The following ADAMTS16 variants were observed in gnomAD, a reference collection of about 807,000 sequenced individuals.
ADAMTS16 encodes the protein A disintegrin and metalloproteinase with thrombospondin motifs 16.
In ADAMTS16, 94 loss-of-function variants were observed where a neutral mutation model predicts 145.8. That is an observed-to-expected ratio of 0.64 (90% CI 0.55 to 0.77). ADAMTS16 has a LOEUF of 0.77. ADAMTS16 is among the 30% of genes least tolerant of loss of function. The pLI is 0.00. For synonymous variants in ADAMTS16, 659 were observed against 604.3 expected, an observed-to-expected ratio of 1.09 and a Z score of -1.33; for missense variants, 1,585 against 1,591.5, an observed-to-expected ratio of 1.00 and a Z score of 0.07.
intron 18 of ADAMTS16, among the ~76,000 whole-genome samples, chr5:5,300,939 T>C (rs1312404627): frequency 6.6e-6 from 1 of 152,228 alleles, no homozygotes; most frequent in Non-Finnish European, 1.5e-5. Context: ...TGATTGTATT[T>C]TCTTACTTAG....
chr5:5,227,289 G>C (rs751530789), intron 11 of ADAMTS16, among the ~76,000 whole-genome samples: 3 of 152,236 alleles, frequency 2.0e-5, no homozygotes, highest in Non-Finnish European at 2.9e-5. Context: ...AATCGCCACA[G>C]GCGTAGGGAC....
At chr5:5,256,204 T>C (rs1003621981) in intron 17 of ADAMTS16, among the ~76,000 whole-genome samples, 2 of 152,236 alleles carry the variant, frequency 1.3e-5, no homozygotes, top group Non-Finnish European at 2.9e-5. Flanking sequence ...TGGAAACCCA[T>C]GGCAGTATTT....
Position 5,186,105 on chromosome 5 carries a change from T to G in ADAMTS16, c.817T>G (p.Ser273Ala), listed in dbSNP as rs1433355598. The change falls in exon 5 of 23, where the codon TCT (serine) becomes GCT (alanine). Residue 273 changes from serine (S) to alanine (A), a missense_variant. Transcript: ENST00000274181. The stretch of plus-strand genomic sequence containing the variant: ...CTTCATCTTGCCAGATGAGTATAAG[T>G]CTTGCTTACGGCATAAGCGCTCTCT... ...DLFILPDEYK[S>A]CLRHKRSLLR... is the part of the protein sequence containing the mutation. The G allele has an allele frequency of 2.5e-6, 4 of 1,613,910 alleles. No individual in the cohort carries two copies. Among genetic ancestry groups the G allele is most frequent in the Non-Finnish European group, 3.4e-6 (4 of 1,180,010 alleles).
In ADAMTS16 at chr5:5,235,072, A is replaced by C; in HGVS notation, c.1909A>C (p.Ser637Arg). ...GSTRTLKLCN[S>R]QKCPRDSVDF... ...CACTCGCACTCTGAAGCTCTGCAAC[A>C]GTCAGAAATGTCCCCGGGACAGTGT... The change falls in exon 13 of 23, where the codon AGT becomes CGT. Residue 637 changes from serine (S) to arginine (R), a missense_variant. By Grantham distance (110) the Ser-to-Arg change is moderately radical. Coordinates refer to ENST00000274181, the MANE Select transcript of ADAMTS16 (RefSeq NM_139056.4). 6.2e-7 allele frequency: 1 copy of C among 1,605,284 alleles called. No individual in the cohort carries two copies. The highest frequency in any genetic ancestry group is 8.5e-7 in the Non-Finnish European group (1 of 1,172,896).
chr5:5,179,999 G>A (rs970448065), intron 3 of ADAMTS16, among the ~76,000 whole-genome samples: 4 of 152,134 alleles, frequency 2.6e-5, no homozygotes, highest in African/African-American at 9.7e-5. Flanking sequence ...TCAAGGTCTA[G>A]GAAATGCTCC....
intron 1 of ADAMTS16, 36 bp downstream of exon 1, chr5:5,140,575 C>A: frequency 1.3e-6 from 2 of 1,499,932 alleles, no homozygotes; most frequent in Non-Finnish European, 1.8e-6. Context: ...GCGGAAACCG[C>A]GGGTCCGGAC....
intron 8 of ADAMTS16, among the ~76,000 whole-genome samples, chr5:5,192,371 A>C (rs1735685543): frequency 6.6e-6 from 1 of 152,162 alleles, no homozygotes; most frequent in African/African-American, 2.4e-5. Context: ...GTTAGCTGCT[A>C]ACAGGGGACT....
chr5:5,191,035 CT>C (rs1735650213), intron 7 of ADAMTS16, among the ~76,000 whole-genome samples: 1 of 152,198 alleles, frequency 6.6e-6, no homozygotes, highest in African/African-American at 2.4e-5. Flanking sequence ...ATGAGTGTCC[CT>C]GGTGGACAAC....
At chr5:5,250,902 C>T (rs1276989686) in intron 17 of ADAMTS16, among the ~76,000 whole-genome samples, 2 of 152,132 alleles carry the variant, frequency 1.3e-5, no homozygotes, top group Admixed American at 1.3e-4. Context: ...TCCCTCCATT[C>T]GTCCCTTTAG....
At chr5:5,187,475 G>A (rs573823390) in intron 5 of ADAMTS16, among the ~76,000 whole-genome samples, 1 of 152,170 alleles carries the variant, frequency 6.6e-6, no homozygotes, top group Non-Finnish European at 1.5e-5. Flanking sequence ...TATATTCTAA[G>A]GGGAACCCTT....
At chr5:5,256,998 T>A (rs191850340) in intron 17 of ADAMTS16, among the ~76,000 whole-genome samples, 1 of 152,320 alleles carries the variant, frequency 6.6e-6, no homozygotes, top group East Asian at 1.9e-4. Flanking sequence ...TAAATCGGGT[T>A]ATCATAACTA....
chr5:5,221,164 C>T (rs949734631), intron 10 of ADAMTS16, among the ~76,000 whole-genome samples: 3 of 151,964 alleles, frequency 2.0e-5, no homozygotes, highest in Non-Finnish European at 2.9e-5. Flanking sequence ...AGTTGTCATT[C>T]CTGCAAGCAA....
chr5:5,140,707 G>A lies in ADAMTS16; in HGVS notation c.116G>A (p.Ser39Asn), dbSNP rs759476476. 6.4e-7 allele frequency: 1 copy of A among 1,568,578 alleles called. No homozygotes were observed. Among genetic ancestry groups the A allele is most frequent in the Admixed American group, 1.9e-5 (1 of 53,770 alleles). The change falls in exon 2 of 23, where the codon AGC becomes AAC. Residue 39 changes from serine (S) to asparagine (N), a missense_variant. Ser to Asn is a conservative substitution (Grantham distance 46). Coordinates refer to ENST00000274181, the MANE Select transcript of ADAMTS16 (RefSeq NM_139056.4). ...AMGPAAAAPGSPSVPRPPPPA... is the reference protein window; with the variant it reads ...AMGPAAAAPGNPSVPRPPPPA... ...GGACCCGCAGCGGCAGCGCCTGGGA[G>A]CCCGAGCGTCCCGCGTCCTCCTCCA...
At chr5:5,239,485 C>T (rs893080220) in intron 15 of ADAMTS16, among the ~76,000 whole-genome samples, 196 bp from the exon 16 acceptor site, 2 of 152,168 alleles carry the variant, frequency 1.3e-5, no homozygotes, top group Non-Finnish European at 2.9e-5. Flanking sequence ...GGAAAAGTGA[C>T]CATCACAGGG....
chr5:5,232,555 T>G, intron 12 of ADAMTS16, 39 bp downstream of exon 12: 1 of 1,605,200 alleles, frequency 6.2e-7, no homozygotes, highest in South Asian at 1.1e-5. Flanking sequence ...AAACGACTGA[T>G]TTCCATGCCA....
At chr5:5,195,515 C>T (rs1448865686) in intron 8 of ADAMTS16, among the ~76,000 whole-genome samples, 7 of 152,128 alleles carry the variant, frequency 4.6e-5, no homozygotes, top group Admixed American at 2.0e-4. Context: ...CCTAGGTTTC[C>T]GATCTGCAAA....
At chr5:5,270,479 T>C (rs527732387) in intron 18 of ADAMTS16, among the ~76,000 whole-genome samples, 52 of 152,318 alleles carry the variant, frequency 3.4e-4, no homozygotes, top group African/African-American at 1.2e-3. Flanking sequence ...GTAAATGCTC[T>C]CAGGTGTGAT....
intron 3 of ADAMTS16, among the ~76,000 whole-genome samples, chr5:5,171,854 C>G (rs1259075372): frequency 6.6e-6 from 1 of 152,048 alleles, no homozygotes; most frequent in African/African-American, 2.4e-5. Flanking sequence ...TGTATTAATT[C>G]TTTACATGTT....
chr5:5,186,158 G>C lies in ADAMTS16; in HGVS notation c.870G>C (p.Leu290=). The change falls in exon 5 of 23, where the codon CTG becomes CTC. Residue 290 remains leucine (L), a synonymous_variant. Transcript: ENST00000274181. ...SLLRSHRNEE[L]NVETLVVVDK... is the part of the protein sequence containing the mutation. ...TGAGGTCCCATAGAAATGAAGAACT[G>C]AACGTGGAGACCTTGGTGGTGGTCG... 6.2e-7 allele frequency: 1 copy of C among 1,614,126 alleles called. No homozygotes were observed. Among genetic ancestry groups the C allele is most frequent in the Non-Finnish European group, 8.5e-7 (1 of 1,180,028 alleles).
Sources: allele counts gnomAD v4.1 joint callset (sites outside exome capture counted in the v4.1 genomes callset), GRCh38; gene constraint gnomAD v4.1.1; transcripts MANE v1.5; gene names NCBI Gene and HGNC (gene_info 2026-07-23, HGNC 2026-07-21).